CACNG8: variants seen among roughly 807,000 people sequenced by gnomAD.
The protein encoded by CACNG8 is calcium voltage-gated channel auxiliary subunit gamma 8.
Under a neutral mutation model 26.9 loss-of-function variants are expected in CACNG8, and 5 were observed. The observed-to-expected ratio is 0.19, with a 90% CI of 0.10 to 0.39. CACNG8 has a LOEUF of 0.39. Among genes scored for constraint, CACNG8 ranks in the 10% least tolerant of loss-of-function variants. The pLI, the probability that CACNG8 is intolerant of heterozygous loss-of-function variation, is 1.00. For missense variants in CACNG8, 473 were observed against 609.4 expected, an observed-to-expected ratio of 0.78 and a Z score of 2.36; for synonymous variants, 321 against 296.7, an observed-to-expected ratio of 1.08 and a Z score of -0.84.
intron 1 of CACNG8, among the ~76,000 whole-genome samples, chr19:53,969,248 C>G: frequency 6.6e-6 from 1 of 152,044 alleles, no homozygotes; most frequent in Admixed American, 6.6e-5. Flanking sequence ...GGTGATCTGC[C>G]CGCCTTGGCC....
chr19:53,984,430 C>T lies in CACNG8; in HGVS notation c.*1581C>T, dbSNP rs1429954859. On this transcript the variant is annotated 3_prime_UTR_variant, in exon 4 of 4. Transcript: ENST00000270458. ...AGTGAGCAGCACTTGGGGTAGGCTT[C>T]CTGGAGAATATGATGCCCATTCTGG... 1 of 152,248 alleles carries T rather than the reference C, an allele frequency of 6.6e-6. No homozygotes were observed. The highest frequency in any genetic ancestry group is 1.5e-5 in the Non-Finnish European group (1 of 68,060). 9.4% of individuals were successfully genotyped at this position (152,248 alleles called of 1,614,324 possible).
chr19:53,972,760 C>T (rs940408872), intron 1 of CACNG8, among the ~76,000 whole-genome samples: 1 of 152,160 alleles, frequency 6.6e-6, no homozygotes, highest in Admixed American at 6.5e-5. Flanking sequence ...AGGGACGATC[C>T]GGTTCCAAAA....
chr19:53,965,122 G>C (rs540210805), intron 1 of CACNG8, among the ~76,000 whole-genome samples: 6 of 152,184 alleles, frequency 3.9e-5, no homozygotes, highest in Admixed American at 3.9e-4. Context: ...GAAAGGGGCC[G>C]AGCCAAGAGC....
chr19:53,979,066 G>C lies in CACNG8; in HGVS notation c.368-801G>C, dbSNP rs12609089. On this transcript the variant is annotated intron_variant, in intron 2 of 3. Transcript: ENST00000270458. ...TGAGGCCAGGCAGAAAAAAAAAGAGGGGGGAGAGACCTAGGAAGATAGGTG... is the reference window on the plus strand; with the variant it reads ...TGAGGCCAGGCAGAAAAAAAAAGAGCGGGGAGAGACCTAGGAAGATAGGTG... 3.4e-3 allele frequency among the ~76,000 whole-genome samples: 495 copies of C among 147,168 alleles called. 7 individuals carry two copies. In the East Asian group the frequency reaches 0.041, roughly 12 times the overall value.
chr19:53,982,858 C>CG lies in CACNG8; in HGVS notation c.*14dup. The CG allele has an allele frequency of 3.1e-6, 4 of 1,299,670 alleles. No individual in the cohort carries two copies. Among genetic ancestry groups the CG allele is most frequent in the Non-Finnish European group, 2.0e-6 (2 of 1,022,072 alleles). 80.5% of individuals were successfully genotyped at this position (1,299,670 alleles called of 1,614,324 possible). A position where few individuals can be genotyped will look rare whatever the true frequency, so the allele number is the denominator to read the frequency against. On this transcript the variant is annotated 3_prime_UTR_variant, in exon 4 of 4. Coordinates refer to ENST00000270458, the MANE Select transcript of CACNG8 (RefSeq NM_031895.6). The surrounding 1 kb of genome is among the most constrained non-coding windows in gnomAD (Gnocchi z 8.4). ...AAACCACGCCTGTGTAGGGGCGCGG[C>CG]GGGGGAGCCGAGGGGCGTGTCCGGG... is the stretch of plus-strand genomic sequence containing the variant.
chr19:53,964,124 G>A (rs1311819289), intron 1 of CACNG8, among the ~76,000 whole-genome samples: 2 of 151,904 alleles, frequency 1.3e-5, no homozygotes, highest in Admixed American at 1.3e-4. Context: ...TTTCCCGTCA[G>A]TTCATCTTGA....
chr19:53,977,965 C>G (rs951238201), intron 1 of CACNG8, among the ~76,000 whole-genome samples, 181 bp from the exon 2 acceptor site: 1 of 152,042 alleles, frequency 6.6e-6, no homozygotes, highest in Non-Finnish European at 1.5e-5. Context: ...GGGAAACAGA[C>G]CAGAGAAGTT....
intron 2 of CACNG8, among the ~76,000 whole-genome samples, chr19:53,978,505 C>T (rs1568800952): frequency 6.6e-6 from 1 of 152,018 alleles, no homozygotes; most frequent in Non-Finnish European, 1.5e-5. Context: ...CTCGCGGCGA[C>T]TCTGCGCCGT....
At chr19:53,975,174 T>C (rs1052829534) in intron 1 of CACNG8, among the ~76,000 whole-genome samples, 8 of 151,904 alleles carry the variant, frequency 5.3e-5, no homozygotes, top group Non-Finnish European at 5.9e-5. Flanking sequence ...GTCTCGATTC[T>C]CTTGACCTTG....
At chr19:53,978,515 T>G (rs1248115044) in intron 2 of CACNG8, among the ~76,000 whole-genome samples, 2 of 151,450 alleles carry the variant, frequency 1.3e-5, no homozygotes, top group African/African-American at 2.4e-5. Context: ...CTCTGCGCCG[T>G]GACTGGTTGT....
At chr19:53,973,721 G>T (rs2069315230) in intron 1 of CACNG8, among the ~76,000 whole-genome samples, 1 of 151,984 alleles carries the variant, frequency 6.6e-6, no homozygotes, top group Non-Finnish European at 1.5e-5. Flanking sequence ...CAGCTACTCA[G>T]GAGCTGAGGC....
At position 53,987,941 on chromosome 19, in the gene CACNG8, T is replaced by G. The variant is rs966746092; in HGVS notation, c.*5092T>G. 1 of 151,982 alleles carries G rather than the reference T, an allele frequency of 6.6e-6. No individual in the cohort carries two copies. Among genetic ancestry groups the G allele is most frequent in the African/African-American group, 2.4e-5 (1 of 41,326 alleles). The allele number at this position is 151,982 out of a possible 1,614,324, so 9.4% of individuals were successfully genotyped here. ...CAGAGAAGCGACCCTGGCCAGAGCCTTGGGGACATCTACATCTGGGGGAGA... is the reference window on the plus strand; with the variant it reads ...CAGAGAAGCGACCCTGGCCAGAGCCGTGGGGACATCTACATCTGGGGGAGA... On this transcript the variant is annotated 3_prime_UTR_variant, in exon 4 of 4. Transcript: ENST00000270458.
chr19:53,968,341 CT>C (rs2069282667), intron 1 of CACNG8, among the ~76,000 whole-genome samples: 1 of 151,490 alleles, frequency 6.6e-6, no homozygotes, highest in Non-Finnish European at 1.5e-5. Context: ...TACCACTACA[CT>C]CCAGTCTGGG....
chr19:53,964,524 T>G (rs1173313496), intron 1 of CACNG8, among the ~76,000 whole-genome samples: 15 of 152,082 alleles, frequency 9.9e-5, no homozygotes, highest in Non-Finnish European at 4.4e-5. Context: ...GACGTCTTCC[T>G]GACTCGATGC....
intron 2 of CACNG8, 147 bp downstream of exon 2, chr19:53,978,376 T>G: frequency 1.6e-6 from 1 of 628,342 alleles, no homozygotes; most frequent in South Asian, 1.9e-5. Context: ...CGAGTCCAGA[T>G]AGTGAGATCC....
chr19:53,978,084 G>A (rs2069340633), intron 1 of CACNG8, 62 bp from the exon 2 acceptor site: 1 of 1,132,012 alleles, frequency 8.8e-7, no homozygotes, highest in Non-Finnish European at 1.3e-6. Context: ...GTTGTCAGTG[G>A]GGTTGCCCCG....
intron 1 of CACNG8, 87 bp from the exon 2 acceptor site, chr19:53,978,059 G>A: frequency 1.1e-6 from 1 of 879,572 alleles, no homozygotes; most frequent in Non-Finnish European, 1.8e-6. Flanking sequence ...AGGGGTTTGG[G>A]GAAGGGAAGG....
intron 1 of CACNG8, among the ~76,000 whole-genome samples, chr19:53,975,994 A>G (rs772990022): frequency 7.9e-5 from 12 of 152,160 alleles, no homozygotes; most frequent in Non-Finnish European, 1.3e-4. Context: ...TCTGCATTTT[A>G]TAGGTGGGGA....
chr19:53,976,006 AC>A (rs2145938069), intron 1 of CACNG8, among the ~76,000 whole-genome samples: 1 of 152,336 alleles, frequency 6.6e-6, no homozygotes, highest in South Asian at 2.1e-4. Flanking sequence ...AGGTGGGGAA[AC>A]TGAAGCAAGC....
Sources: allele counts gnomAD v4.1 joint callset (sites outside exome capture counted in the v4.1 genomes callset), GRCh38; gene constraint gnomAD v4.1.1; non-coding constraint Gnocchi (gnomAD v3.1); transcripts MANE v1.5; gene names NCBI Gene and HGNC (gene_info 2026-07-23, HGNC 2026-07-21).